Variants in RNF111 observed in about 807,000 individuals in gnomAD.
RNF111 encodes the protein E3 ubiquitin-protein ligase Arkadia.
In RNF111, 17 loss-of-function variants were observed where a neutral mutation model predicts 95.1. The observed-to-expected ratio is 0.18, with a 90% CI of 0.12 to 0.27. The LOEUF (loss-of-function observed/expected upper bound fraction) is 0.27. Ranked by LOEUF, RNF111 falls within the 10% of genes least tolerant of loss-of-function variation. The pLI, the probability that RNF111 is intolerant of heterozygous loss-of-function variation, is 1.00. For synonymous variants in RNF111, 440 were observed against 414.8 expected, an observed-to-expected ratio of 1.06 and a Z score of -0.74; for missense variants, 1,189 against 1,210.4, an observed-to-expected ratio of 0.98 and a Z score of 0.26.
At chr15:59,084,099 C>T (rs1596304500) in intron 8 of RNF111, 30 bp from the exon 9 acceptor site, 5 of 1,540,934 alleles carry the variant, frequency 3.2e-6, no homozygotes, top group Non-Finnish European at 1.7e-6. Flanking sequence ...CAATTATTTC[C>T]AGTGGTCTTT....
Position 59,092,570 on chromosome 15 carries a change from G to A in RNF111, c.2773G>A (p.Gly925Arg). Residue 925 changes from glycine to arginine, a missense_variant, in exon 13 of 14, where the codon GGG becomes AGG. Transcript: ENST00000348370. ...GCACTGCAAACAAGATGGGGAAGAAGGGACTGAGGAAGACACAGAGGAAAA... is the reference window on the plus strand; with the variant it reads ...GCACTGCAAACAAGATGGGGAAGAAAGGACTGAGGAAGACACAGAGGAAAA... ...KLHCKQDGEE[G>R]TEEDTEEKCT... is the part of the protein sequence containing the mutation. 1 of 1,613,050 alleles carries A rather than the reference G, an allele frequency of 6.2e-7. No individual in the cohort carries two copies. Among genetic ancestry groups the A allele is most frequent in the South Asian group, 1.1e-5 (1 of 90,988 alleles).
intron 2 of RNF111, among the ~76,000 whole-genome samples, chr15:59,048,899 T>A (rs2041836075): frequency 6.6e-6 from 1 of 152,072 alleles, no homozygotes; most frequent in South Asian, 2.1e-4. Flanking sequence ...GAGACCAGCC[T>A]GGGCAGTGTA....
chr15:59,093,971 AGT>A (rs2079127700), intron 13 of RNF111, among the ~76,000 whole-genome samples: 1 of 152,202 alleles, frequency 6.6e-6, no homozygotes, highest in South Asian at 2.1e-4. Context: ...AAGTCTGAAA[AGT>A]GTATAAAAAC....
At chr15:59,011,333 C>G (rs1419003029) in intron 1 of RNF111, among the ~76,000 whole-genome samples, 2 of 152,220 alleles carry the variant, frequency 1.3e-5, no homozygotes, top group Admixed American at 6.5e-5. Context: ...ATATTTCTCA[C>G]TAACTGCTAG....
intron 1 of RNF111, among the ~76,000 whole-genome samples, chr15:58,990,474 C>A (rs1014864454): frequency 1.3e-5 from 2 of 152,078 alleles, no homozygotes; most frequent in African/African-American, 2.4e-5. Context: ...AATGGTGAAA[C>A]CCCATCTCTA....
At chr15:59,011,549 G>C (rs1567209108) in intron 1 of RNF111, among the ~76,000 whole-genome samples, 1 of 152,156 alleles carries the variant, frequency 6.6e-6, no homozygotes, top group Non-Finnish European at 1.5e-5. Context: ...TGTAAGTCCA[G>C]TATTAAGGTA....
Position 59,096,074 on chromosome 15 carries a change from A to G in RNF111, c.*1174A>G. On this transcript the variant is annotated 3_prime_UTR_variant, in exon 14 of 14. Transcript: ENST00000348370. ...CTATGGTTATATACTCCCACTTCAT[A>G]CATTACCAAGAGTCGATCACTGATT... is the stretch of plus-strand genomic sequence containing the variant. 1 of 398,678 alleles carries G rather than the reference A, an allele frequency of 2.5e-6. No individual in the cohort carries two copies. 24.7% of individuals were successfully genotyped at this position (398,678 alleles called of 1,614,324 possible). A position where few individuals can be genotyped will look rare whatever the true frequency, so the allele number is the denominator to read the frequency against.
chr15:59,079,076 T>G (rs1324549696), intron 7 of RNF111, among the ~76,000 whole-genome samples: 2 of 151,978 alleles, frequency 1.3e-5, no homozygotes, highest in Non-Finnish European at 2.9e-5. Context: ...AGGGAAAGGG[T>G]TTTTGGGAAT....
chr15:59,022,090 C>A (rs1035129581), intron 1 of RNF111, among the ~76,000 whole-genome samples: 23 of 152,020 alleles, frequency 1.5e-4, no homozygotes, highest in African/African-American at 5.3e-4. Context: ...GAACTCCTGA[C>A]CTAAAGTGAT....
At chr15:59,051,883 TA>T (rs1175495651) in intron 2 of RNF111, among the ~76,000 whole-genome samples, 9 of 152,038 alleles carry the variant, frequency 5.9e-5, no homozygotes, top group Admixed American at 1.3e-4. Context: ...ATATATCACC[TA>T]AATGAAAACA....
At chr15:59,074,566 G>T (rs188709998) in intron 6 of RNF111, among the ~76,000 whole-genome samples, 1 of 152,278 alleles carries the variant, frequency 6.6e-6, no homozygotes, top group Admixed American at 6.5e-5. Context: ...GCCTCCCTCA[G>T]CCTTCATAGA....
At chr15:59,009,520 A>G (rs2039694165) in intron 1 of RNF111, among the ~76,000 whole-genome samples, 1 of 150,326 alleles carries the variant, frequency 6.7e-6, no homozygotes, top group East Asian at 2.0e-4. Flanking sequence ...AAGTCTTTAG[A>G]ATTTGATAAT....
At chr15:59,075,581 A>G (rs557094448) in intron 6 of RNF111, among the ~76,000 whole-genome samples, 2 of 152,354 alleles carry the variant, frequency 1.3e-5, no homozygotes, top group African/African-American at 4.8e-5. Flanking sequence ...CTAAAGTACT[A>G]GTCACAATGT....
At position 59,052,356 on chromosome 15, in the gene RNF111, T is replaced by C; in HGVS notation, c.932T>C (p.Val311Ala). ...ATAGAAGCTTCCTCCACTCCCCAGG[T>C]TACTGCCAATGAAGAAATTAATGTT... ...VVIEASSTPQ[V>A]TANEEINVTS... The change falls in exon 3 of 14, where the codon GTT (valine) becomes GCT (alanine). Residue 311 changes from valine (V) to alanine (A), a missense_variant. Around this residue, in one of 2 missense-constraint regions of RNF111, gnomAD observed 1,024 missense variants for 925.9 expected, o/e 1.11. Coordinates refer to ENST00000348370, the MANE Select transcript of RNF111 (RefSeq NM_017610.8). 1 of 1,607,224 alleles carries C rather than the reference T, an allele frequency of 6.2e-7. No individual in the cohort carries two copies. Among genetic ancestry groups the C allele is most frequent in the Non-Finnish European group, 8.5e-7 (1 of 1,177,162 alleles).
chr15:59,015,543 TAA>T (rs1297622337), intron 1 of RNF111, among the ~76,000 whole-genome samples: 17 of 151,876 alleles, frequency 1.1e-4, no homozygotes. Context: ...GCTCCTCAGG[TAA>T]AGTCTTCCTA....
chr15:59,056,827 G>A (rs2042219008), intron 4 of RNF111, among the ~76,000 whole-genome samples: 2 of 152,228 alleles, frequency 1.3e-5, no homozygotes, highest in African/African-American at 2.4e-5. Flanking sequence ...ATTAAATATA[G>A]GGTGACTATT....
At chr15:58,996,567 C>G (rs1407391024) in intron 1 of RNF111, among the ~76,000 whole-genome samples, 1 of 148,654 alleles carries the variant, frequency 6.7e-6, no homozygotes, top group Non-Finnish European at 1.5e-5. Context: ...GGCAGTAGAG[C>G]AAGACTCCAT....
At chr15:59,041,264 A>G (rs1255324622) in intron 2 of RNF111, among the ~76,000 whole-genome samples, 1 of 152,148 alleles carries the variant, frequency 6.6e-6, no homozygotes, top group Non-Finnish European at 1.5e-5. Context: ...TGCAATAAAT[A>G]GCTTTTCTTG....
intron 1 of RNF111, among the ~76,000 whole-genome samples, chr15:59,003,713 TA>T (rs1339198257): frequency 6.6e-6 from 1 of 152,258 alleles, no homozygotes; most frequent in Non-Finnish European, 1.5e-5. Context: ...ATTTTCTTAA[TA>T]GCACGTGTTT....
Sources: gnomAD v4.1 joint callset for allele counts (sites outside exome capture counted in the v4.1 genomes callset) on GRCh38, gnomAD v4.1.1 for gene constraint, gnomAD v4.1.1 regional missense constraint, MANE v1.5 for transcripts, NCBI Gene and HGNC (gene_info 2026-07-23, HGNC 2026-07-21) for gene names.